The following PHACTR2 variants were observed in gnomAD, a reference collection of about 807,000 sequenced individuals.
PHACTR2 encodes phosphatase and actin regulator 2, also known as chromosome 6 open reading frame 56.
In PHACTR2, 30 loss-of-function variants were observed where a neutral mutation model predicts 76.0. That is an observed-to-expected ratio of 0.39 (90% CI 0.30 to 0.54). PHACTR2 has a LOEUF of 0.54. Ranked by LOEUF, PHACTR2 falls within the 20% of genes least tolerant of loss-of-function variation. The pLI, the probability that PHACTR2 is intolerant of heterozygous loss-of-function variation, is 0.61. For missense variants in PHACTR2, 696 were observed against 781.1 expected (o/e 0.89, Z 1.30); for synonymous variants, 292 against 292.5 (o/e 1.00, Z 0.02).
chr6:143,720,945 A>G (rs1402431590), intron 2 of PHACTR2, among the ~76,000 whole-genome samples: 1 of 152,202 alleles, frequency 6.6e-6, no homozygotes, highest in South Asian at 2.1e-4. Context: ...CTGCAGCTCC[A>G]TGGCTCCTAA....
chr6:143,643,190 CT>C (rs57003079), intron 1 of PHACTR2, among the ~76,000 whole-genome samples: 3 of 151,684 alleles, frequency 2.0e-5, no homozygotes, highest in East Asian at 1.9e-4. Context: ...TTAAATGGGT[CT>C]TTTTTTTGCA....
intron 9 of PHACTR2, among the ~76,000 whole-genome samples, chr6:143,778,956 G>A (rs1382551929): frequency 6.6e-6 from 1 of 152,150 alleles, no homozygotes; most frequent in Non-Finnish European, 1.5e-5. Flanking sequence ...CCATTTTCCT[G>A]GAGGTTTGGG....
chr6:143,609,596 A>G (rs1297076723), intron 1 of PHACTR2, among the ~76,000 whole-genome samples: 11 of 152,236 alleles, frequency 7.2e-5, no homozygotes, highest in Admixed American at 5.2e-4. Context: ...ACAAGGCACA[A>G]TTTGAAGATC....
In PHACTR2 at chr6:143,782,563, C is replaced by T. The variant is rs917946650; in HGVS notation, c.1646-656C>T. 2.6e-4 allele frequency among the ~76,000 whole-genome samples: 39 copies of T among 152,146 alleles called. No individual in the cohort carries two copies. Among genetic ancestry groups the T allele is most frequent in the African/African-American group, 8.4e-4 (35 of 41,428 alleles). The stretch of plus-strand genomic sequence containing the variant: ...TAAAATCGTACTACTTGGTGAATCA[C>T]TAGAGAACGAGAAGACTTTGGAAAG... On this transcript the variant is annotated intron_variant, in intron 9 of 12. Transcript: ENST00000440869. The surrounding 1 kb of genome is among the most constrained non-coding windows in gnomAD (Gnocchi z 4.6).
chr6:143,544,054 T>C (rs558668394), intron 1 of PHACTR2, among the ~76,000 whole-genome samples: 1 of 152,324 alleles, frequency 6.6e-6, no homozygotes, highest in South Asian at 2.1e-4. Flanking sequence ...TCCTATCTTC[T>C]GTTCCCCTTT....
Position 143,641,640 on chromosome 6 carries a change from G to A in PHACTR2, c.13+33318G>A, listed in dbSNP as rs1206128496. ...TCCTGCCTCAGCCTCCTGAGTAGCT[G>A]GGATTACAGGCATGCACCACCCTGC... On this transcript the variant is annotated intron_variant, in intron 1 of 11. Transcript: ENST00000305766. The surrounding 1 kb of genome is among the most constrained non-coding windows in gnomAD (Gnocchi z 5.8). Among the ~76,000 whole-genome samples, 7 of 152,224 alleles carry A rather than the reference G, an allele frequency of 4.6e-5. No individual in the cohort carries two copies. Among genetic ancestry groups the A allele is most frequent in the Non-Finnish European group, 2.9e-5 (2 of 68,018 alleles).
At chr6:143,636,843 T>C (rs1238440444) in intron 1 of PHACTR2, among the ~76,000 whole-genome samples, 1 of 152,242 alleles carries the variant, frequency 6.6e-6, no homozygotes, top group Admixed American at 6.5e-5. Context: ...AGTCATTCAT[T>C]AAAGCATAAA....
intron 1 of PHACTR2, among the ~76,000 whole-genome samples, chr6:143,630,441 A>G (rs956933247): frequency 3.3e-5 from 5 of 152,040 alleles, no homozygotes; most frequent in African/African-American, 1.2e-4. Context: ...TGTATTATTA[A>G]TCTGAAACCT....
In PHACTR2 at chr6:143,546,091, G is replaced by A. The variant is rs34273683; in HGVS notation, c.217+8884G>A. Among the ~76,000 whole-genome samples the A allele has an allele frequency of 6.6e-6, 1 of 151,946 alleles. No individual in the cohort carries two copies. Among genetic ancestry groups the A allele is most frequent in the African/African-American group, 2.4e-5 (1 of 41,322 alleles). On this transcript the variant is annotated intron_variant, in intron 1 of 11. Transcript: ENST00000367584. This position sits in a 1 kb window ranked among gnomAD's most constrained non-coding sequence, Gnocchi z 4.9. ...GTAGTTTCGGTTACAGTGAAACTCA[G>A]GAAAAAACATTGAAGCAGCTTTAGT...
upstream of PHACTR2, among the ~76,000 whole-genome samples, chr6:143,675,084 G>A (rs1346514177): frequency 6.6e-6 from 1 of 152,190 alleles, no homozygotes; most frequent in Non-Finnish European, 1.5e-5. The surrounding 1 kb of genome is among the most constrained non-coding windows in gnomAD (Gnocchi z 4.9). Context: ...CTGTGTTACA[G>A]GGTAGAATGC....
In PHACTR2 at chr6:143,548,563, A is replaced by C. The variant is rs1775042417; in HGVS notation, c.217+11356A>C. ...TTCCACACACCAGCCTGGGCCAGGT[A>C]GCCATTCCTGACACCAGCTATATCC... On this transcript the variant is annotated intron_variant, in intron 1 of 11. Coordinates refer to the PHACTR2 transcript ENST00000367584. The surrounding 1 kb of genome is among the most constrained non-coding windows in gnomAD (Gnocchi z 4.5). Among the ~76,000 whole-genome samples, 2 of 152,098 alleles carry C rather than the reference A, an allele frequency of 1.3e-5. No individual in the cohort carries two copies. Among genetic ancestry groups the C allele is most frequent in the Admixed American group, 1.3e-4 (2 of 15,256 alleles).
intron 1 of PHACTR2, among the ~76,000 whole-genome samples, chr6:143,702,834 G>C (rs1582788833): frequency 9.6e-6 from 1 of 103,744 alleles, no homozygotes; most frequent in African/African-American, 4.0e-5. Context: ...CTTTAATCTT[G>C]CTTCGGTGAA....
intron 2 of PHACTR2, among the ~76,000 whole-genome samples, chr6:143,712,536 T>A (rs1401633215): frequency 5.3e-5 from 1 of 19,012 alleles, no homozygotes. Flanking sequence ...CACATGATGT[T>A]ATATATTTAG....
At chr6:143,728,215 T>G in intron 2 of PHACTR2, among the ~76,000 whole-genome samples, 1 of 124,200 alleles carries the variant, frequency 8.1e-6, no homozygotes, top group East Asian at 2.1e-4. Flanking sequence ...TTTTTTTCTT[T>G]CTTTTTTTTT....
rs1776122995 is a variant in PHACTR2 at position 143,809,115 on chromosome 6, T to G, written c.1922+1982T>G. Among the ~76,000 whole-genome samples the G allele has an allele frequency of 1.3e-5, 2 of 152,218 alleles. No individual in the cohort carries two copies. The highest frequency in any genetic ancestry group is 4.8e-5 in the African/African-American group (2 of 41,454). On this transcript the variant is annotated intron_variant, in intron 12 of 12. Coordinates refer to ENST00000440869, the MANE Select transcript of PHACTR2 (RefSeq NM_001100164.2). The surrounding 1 kb of genome is among the most constrained non-coding windows in gnomAD (Gnocchi z 4.2). ...GGATAGTTTTGCTTCTGCATAGTTT[T>G]CCTAGAAGTTGGAGTATCTGATAGC...
At chr6:143,634,137 T>C (rs1776410834) in intron 1 of PHACTR2, among the ~76,000 whole-genome samples, 1 of 152,220 alleles carries the variant, frequency 6.6e-6, no homozygotes, top group African/African-American at 2.4e-5. Context: ...CATGTTGGCC[T>C]TTTGCAGTGT....
chr6:143,555,255 C>G, intron 1 of PHACTR2: 1 of 152,090 alleles, frequency 6.6e-6, no homozygotes, highest in East Asian at 1.9e-4. Context: ...AGAAGAGAAG[C>G]TATTTTCAGT....
At chr6:143,704,070 A>C (rs1469372414) in intron 1 of PHACTR2, among the ~76,000 whole-genome samples, 1 of 90,698 alleles carries the variant, frequency 1.1e-5, no homozygotes, top group Admixed American at 9.4e-5. Context: ...TGGTAAGTCC[A>C]TCATGGGTGT....
At position 143,801,484 on chromosome 6, in the gene PHACTR2, C is replaced by T. The variant is rs956506569; in HGVS notation, c.1846-5573C>T. Reference sequence around the variant, plus strand: ...ACTGATATACTTTCTTCCGCTTGATCGAAGTGGCTATTGAGGCTTGTGTAT... The same window carrying T: ...ACTGATATACTTTCTTCCGCTTGATTGAAGTGGCTATTGAGGCTTGTGTAT... On this transcript the variant is annotated intron_variant, in intron 11 of 12. Transcript: ENST00000440869. The surrounding 1 kb of genome is among the most constrained non-coding windows in gnomAD (Gnocchi z 4.6). 6.6e-6 allele frequency among the ~76,000 whole-genome samples: 1 copy of T among 152,108 alleles called. No individual in the cohort carries two copies. The highest frequency in any genetic ancestry group is 2.4e-5 in the African/African-American group (1 of 41,418).
Sources: gnomAD v4.1 joint callset for allele counts (sites outside exome capture counted in the v4.1 genomes callset) on GRCh38, gnomAD v4.1.1 for gene constraint, Gnocchi (gnomAD v3.1) non-coding constraint, MANE v1.5 for transcripts, NCBI Gene and HGNC (gene_info 2026-07-23, HGNC 2026-07-21) for gene names.